Variants in GPHN observed in about 807,000 individuals in gnomAD.
GPHN encodes gephyrin.
GPHN carries 17 observed loss-of-function variants against 95.5 expected under a neutral mutation model. That is an observed-to-expected ratio of 0.18 (90% confidence interval 0.12 to 0.27). The LOEUF (loss-of-function observed/expected upper bound fraction) is 0.27. Ranked by LOEUF, GPHN falls within the 10% of genes least tolerant of loss-of-function variation. GPHN has a pLI of 1.00. For missense variants in GPHN, 660 were observed against 978.1 expected (o/e 0.67, Z 4.34); for synonymous variants, 320 against 322.5 (o/e 0.99, Z 0.08).
chr14:66,865,075 A>C (rs183647055), intron 4 of GPHN, among the ~76,000 whole-genome samples: 1 of 152,286 alleles, frequency 6.6e-6, no homozygotes, highest in East Asian at 1.9e-4. Flanking sequence ...AACTGAACGC[A>C]TGGAGATATA....
chr14:66,924,752 C>T (rs1378897255), intron 8 of GPHN, among the ~76,000 whole-genome samples: 1 of 151,926 alleles, frequency 6.6e-6, no homozygotes, highest in African/African-American at 2.4e-5. Context: ...ATTCATTGAG[C>T]TCTCATTACA....
chr14:67,194,589 T>G, the GPHN span, among the ~76,000 whole-genome samples: 3 of 152,056 alleles, frequency 2.0e-5, no homozygotes, highest in Admixed American at 6.6e-5. Context: ...CACTGCAACC[T>G]CCGCCTCCCG....
At chr14:66,995,045 C>G (rs1380809084) in intron 9 of GPHN, among the ~76,000 whole-genome samples, 1 of 152,102 alleles carries the variant, frequency 6.6e-6, no homozygotes, top group Non-Finnish European at 1.5e-5. Context: ...TGTGATTCTT[C>G]TACTGTCACC....
chr14:66,673,933 T>C (rs906309925), intron 1 of GPHN, among the ~76,000 whole-genome samples: 2 of 152,200 alleles, frequency 1.3e-5, no homozygotes, highest in Non-Finnish European at 2.9e-5. Context: ...TGTGTAATTA[T>C]AAAATCAGGG....
intron 8 of GPHN, among the ~76,000 whole-genome samples, chr14:66,934,370 T>A (rs1482494524): frequency 6.6e-6 from 1 of 152,186 alleles, no homozygotes; most frequent in Non-Finnish European, 1.5e-5. Flanking sequence ...AATTGACATT[T>A]GTTCGTTGTC....
intron 6 of GPHN, among the ~76,000 whole-genome samples, chr14:66,920,022 C>T (rs1229695834): frequency 4.6e-5 from 7 of 152,048 alleles, no homozygotes; most frequent in East Asian, 1.9e-4. Context: ...GACAAGATGG[C>T]GCCATTGCAC....
At position 66,545,324 on chromosome 14, in the gene GPHN, C is replaced by T. The variant is rs1399680236; in HGVS notation, c.64+36733C>T. On this transcript the variant is annotated intron_variant, in intron 1 of 22. Coordinates refer to ENST00000478722, the MANE Select transcript of GPHN (RefSeq NM_020806.5). ...CCACCTCCCAGACGGGGCGGCTGGC[C>T]GGGCAGGGGGCTGACCCCCCCACCT... Among the ~76,000 whole-genome samples the T allele has an allele frequency of 5.7e-3, 745 of 130,230 alleles. 22 individuals are homozygous for T. The highest frequency in any genetic ancestry group is 0.024 in the African/African-American group (697 of 28,634). 85.4% of individuals were successfully genotyped at this position (130,230 alleles called of 152,430 possible). A position where few individuals can be genotyped will look rare whatever the true frequency, so the allele number is the denominator to read the frequency against.
At chr14:67,560,727 C>CTTTTTTTTTTT in the GPHN span, among the ~76,000 whole-genome samples, 1 of 126,430 alleles carries the variant, frequency 7.9e-6, no homozygotes, top group Non-Finnish European at 1.6e-5. Context: ...GAACATATAT[C>CTTTTTTTTTTT]TTTTTTTTTT....
At chr14:67,363,438 CTG>C in the GPHN span, among the ~76,000 whole-genome samples, 6 of 152,004 alleles carry the variant, frequency 3.9e-5, no homozygotes, top group Non-Finnish European at 8.8e-5. Context: ...TACTCTGGCA[CTG>C]AATATATATT....
intron 5 of GPHN, among the ~76,000 whole-genome samples, chr14:66,891,162 T>C (rs2064476654): frequency 6.6e-6 from 1 of 151,896 alleles, no homozygotes; most frequent in Non-Finnish European, 1.5e-5. Flanking sequence ...TTTGACATGA[T>C]TATATATGTA....
At chr14:67,684,587 CTTT>C in the GPHN span, 4 of 142,212 alleles carry the variant, frequency 2.8e-5, no homozygotes, top group Non-Finnish European at 3.1e-5. Flanking sequence ...GATTCAAATT[CTTT>C]TTTTTTTTTT....
intron 9 of GPHN, among the ~76,000 whole-genome samples, chr14:67,019,169 G>C (rs939206599): frequency 1.3e-5 from 2 of 152,168 alleles, no homozygotes; most frequent in Non-Finnish European, 2.9e-5. Context: ...ACAGAGAAGA[G>C]TACTTAGGAA....
At chr14:67,120,083 G>A (rs905756536) in intron 16 of GPHN, among the ~76,000 whole-genome samples, 2 of 148,842 alleles carry the variant, frequency 1.3e-5, no homozygotes, top group African/African-American at 2.5e-5. Context: ...CTGAGATTGC[G>A]CCACTGCATT....
the GPHN span, chr14:67,397,747 C>A: frequency 1.2e-6 from 2 of 1,612,948 alleles, no homozygotes; most frequent in Non-Finnish European, 1.7e-6. Flanking sequence ...CACTCTCCGA[C>A]CCCCCTCAAG....
At chr14:67,468,229 C>A in the GPHN span, among the ~76,000 whole-genome samples, 1 of 152,214 alleles carries the variant, frequency 6.6e-6, no homozygotes, top group Non-Finnish European at 1.5e-5. Flanking sequence ...CCGCCTCGGG[C>A]TCCCAGAGTG....
chr14:67,058,619 A>G (rs2075699049), intron 10 of GPHN, 30 bp from the exon 11 acceptor site: 1 of 1,598,138 alleles, frequency 6.3e-7, no homozygotes, highest in South Asian at 1.1e-5. Flanking sequence ...TTACAGCATC[A>G]TATTCTTAGT....
At chr14:67,016,176 A>T (rs1406456929) in intron 9 of GPHN, among the ~76,000 whole-genome samples, 1 of 152,128 alleles carries the variant, frequency 6.6e-6, no homozygotes, top group Admixed American at 6.6e-5. Context: ...GAGACTTTTA[A>T]CCTTTTTTCT....
intron 1 of GPHN, among the ~76,000 whole-genome samples, chr14:66,657,057 A>C (rs1393868512): frequency 6.6e-6 from 1 of 152,224 alleles, no homozygotes; most frequent in Non-Finnish European, 1.5e-5. Context: ...GGAAACTAAA[A>C]GTTTTTGAAA....
At chr14:67,415,578 C>T in the GPHN span, among the ~76,000 whole-genome samples, 1 of 152,160 alleles carries the variant, frequency 6.6e-6, no homozygotes, top group African/African-American at 2.4e-5. Context: ...CTATCCTCAC[C>T]AGCAGCGTAT....
Sources: gnomAD v4.1 joint callset for allele counts (sites outside exome capture counted in the v4.1 genomes callset) on GRCh38, gnomAD v4.1.1 for gene constraint, MANE v1.5 for transcripts, NCBI Gene and HGNC (gene_info 2026-07-23, HGNC 2026-07-21) for gene names.